SLC12A6: variants seen among roughly 807,000 people sequenced by gnomAD.
SLC12A6 encodes K-Cl cotransporter 3.
Under a neutral mutation model 135.3 loss-of-function variants are expected in SLC12A6, and 66 were observed. The ratio of observed to expected loss-of-function variants is 0.49; its 90% CI spans 0.40 to 0.60. The LOEUF (loss-of-function observed/expected upper bound fraction) is 0.60, where lower values mean the gene tolerates loss of function less well. SLC12A6 is among the 20% of genes least tolerant of loss of function. The pLI, the probability that SLC12A6 is intolerant of heterozygous loss-of-function variation, is 0.00. For missense variants in SLC12A6, 1,058 were observed against 1,452.3 expected, an observed-to-expected ratio of 0.73 and a Z score of 4.41; for synonymous variants, 513 against 508.8, an observed-to-expected ratio of 1.01 and a Z score of -0.11.
intron 2 of SLC12A6, among the ~76,000 whole-genome samples, chr15:34,284,231 G>A (rs1199768114): frequency 6.6e-6 from 1 of 151,288 alleles, no homozygotes; most frequent in Non-Finnish European, 1.5e-5. Context: ...GAGCTCACGG[G>A]CTAGTCTTCA....
At position 34,236,029 on chromosome 15, in the gene SLC12A6, C is replaced by G. The variant is rs764677244; in HGVS notation, c.3213G>C (p.Leu1071=). 2.5e-6 allele frequency: 4 copies of G among 1,613,758 alleles called. No homozygotes were observed. Among genetic ancestry groups the G allele is most frequent in the Non-Finnish European group, 3.4e-6 (4 of 1,179,654 alleles). ...GGAAAACTTACGGACGCATGTTAAG[C>G]AGGTCCTGGAATCCTTCCATTGACT... The part of the protein sequence containing the change: ...KAKSMEGFQD[L]LNMRPDQSNV... Residue 1071 remains leucine, a synonymous_variant, in exon 24 of 26, where the codon CTG becomes CTC. Transcript: ENST00000354181.
intron 3 of SLC12A6, among the ~76,000 whole-genome samples, chr15:34,263,276 G>T (rs990683441): frequency 1.3e-5 from 2 of 151,894 alleles, no homozygotes; most frequent in South Asian, 2.1e-4. Flanking sequence ...AAAATTAGCA[G>T]GGCATGGTGG....
At chr15:34,322,014 G>GT (rs1421448016) in intron 2 of SLC12A6, among the ~76,000 whole-genome samples, 2 of 152,176 alleles carry the variant, frequency 1.3e-5, no homozygotes, top group African/African-American at 4.8e-5. Context: ...TAGAGTGATG[G>GT]TAATATTCTA....
chr15:34,243,958 AAAG>A lies in SLC12A6; in HGVS notation c.2042+13_2042+15del. 3 of 1,436,402 alleles carry A rather than the reference AAAG, an allele frequency of 2.1e-6. No individual in the cohort carries two copies. Among genetic ancestry groups the A allele is most frequent in the Non-Finnish European group, 2.9e-6 (3 of 1,017,670 alleles). 89.0% of individuals were successfully genotyped at this position (1,436,402 alleles called of 1,614,324 possible). On this transcript the variant is annotated intron_variant, in intron 16 of 25. Transcript: ENST00000354181. Reference sequence around the variant, plus strand: ...TCTCCAAACGTGAGTAAAAAGAATAAAAGAAGCAGACTTACCAATGGTAGTAGC... The same window carrying A: ...TCTCCAAACGTGAGTAAAAAGAATAAAAGCAGACTTACCAATGGTAGTAGC...
intron 2 of SLC12A6, among the ~76,000 whole-genome samples, chr15:34,308,946 G>A (rs1246228675): frequency 6.6e-6 from 1 of 152,110 alleles, no homozygotes; most frequent in Non-Finnish European, 1.5e-5. Context: ...TGGCTTTAGA[G>A]CTACACAGCC....
intron 2 of SLC12A6, among the ~76,000 whole-genome samples, chr15:34,313,715 A>G (rs753839550): frequency 1.3e-5 from 2 of 152,192 alleles, no homozygotes; most frequent in Non-Finnish European, 2.9e-5. Context: ...CTCGCTTCAA[A>G]GGACAGGTTG....
At chr15:34,289,942 A>AT (rs1469569710) in intron 2 of SLC12A6, among the ~76,000 whole-genome samples, 5 of 152,090 alleles carry the variant, frequency 3.3e-5, no homozygotes, top group South Asian at 2.1e-4. Context: ...GGATTCATTG[A>AT]TTTTTTTAAG....
At chr15:34,307,466 TTTTC>T (rs1395630842) in intron 2 of SLC12A6, among the ~76,000 whole-genome samples, 3 of 152,206 alleles carry the variant, frequency 2.0e-5, no homozygotes, top group Admixed American at 6.5e-5. Context: ...TACCAATTAT[TTTTC>T]TTTGTTTTTT....
Position 34,250,652 on chromosome 15 carries a change from T to A in SLC12A6, c.1570A>T (p.Ile524Phe). Residue 524 changes from isoleucine (I) to phenylalanine (F), a missense_variant, in exon 12 of 26, where the codon ATC becomes TTC. Physicochemically the swap from Ile to Phe is conservative, Grantham distance 21. This residue lies in a region of SLC12A6 where 297 missense variants were observed against 318.5 expected (regional missense o/e 0.93). Coordinates refer to ENST00000354181, the MANE Select transcript of SLC12A6 (RefSeq NM_001365088.1). The stretch of plus-strand genomic sequence containing the variant: ...ATACAAACAAAGGAGGTGGTCAGGA[T>A]GGCAAGGATAGTACCAATCGGAATA... ...KSIPIGTILA[I>F]LTTSFVYLSN... 1 of 1,593,202 alleles carries A rather than the reference T, an allele frequency of 6.3e-7. No individual in the cohort carries two copies. The highest frequency in any genetic ancestry group is 8.6e-7 in the Non-Finnish European group (1 of 1,161,046).
intron 3 of SLC12A6, among the ~76,000 whole-genome samples, chr15:34,274,645 T>G (rs1321701512): frequency 6.6e-6 from 1 of 152,132 alleles, no homozygotes; most frequent in Non-Finnish European, 1.5e-5. Flanking sequence ...AAACCCTGTC[T>G]GTACTAAAAA....
intron 2 of SLC12A6, among the ~76,000 whole-genome samples, chr15:34,311,376 TTAAA>T (rs1394110422): frequency 1.3e-5 from 2 of 152,280 alleles, no homozygotes; most frequent in Middle Eastern, 3.4e-3. Context: ...AAATAAATAT[TTAAA>T]TAAATGAATG....
At chr15:34,327,187 A>G (rs1889525034) in intron 2 of SLC12A6, among the ~76,000 whole-genome samples, 1 of 152,132 alleles carries the variant, frequency 6.6e-6, no homozygotes. Context: ...TCATTTTTCA[A>G]AAGGGGAAAG....
At chr15:34,236,622 G>A (rs1566799432) in intron 23 of SLC12A6, 86 bp downstream of exon 23, 12 of 886,742 alleles carry the variant, frequency 1.4e-5, no homozygotes, top group East Asian at 2.4e-5. Context: ...GATTACAGGC[G>A]TGAGCCACCA....
intron 2 of SLC12A6, among the ~76,000 whole-genome samples, chr15:34,328,492 T>A (rs752034802): frequency 6.6e-6 from 1 of 152,244 alleles, no homozygotes; most frequent in Non-Finnish European, 1.5e-5. Context: ...GGTACTGAAC[T>A]ACCATTAAGG....
At position 34,307,177 on chromosome 15, in the gene SLC12A6, T is replaced by TA. The variant is rs566163244; in HGVS notation, c.271+29232dup. ...TAACTTTATGTCAACTGCACCTCGA[T>TA]AAAAAAATACCGATGGGGAAAAACA... On this transcript the variant is annotated intron_variant, in intron 2 of 25. Transcript: ENST00000354181. Among the ~76,000 whole-genome samples the TA allele has an allele frequency of 1.6e-3, 239 of 152,226 alleles. 2 individuals carry two copies. The highest frequency in any genetic ancestry group is 5.4e-3 in the African/African-American group (226 of 41,542).
At chr15:34,241,445 G>A in intron 17 of SLC12A6, 108 bp from the exon 18 acceptor site, 1 of 682,804 alleles carries the variant, frequency 1.5e-6, no homozygotes, top group South Asian at 1.6e-5. Flanking sequence ...CAAGGTAGAA[G>A]ATTAAAGCTC....
chr15:34,306,472 C>A (rs1245788379), intron 2 of SLC12A6, among the ~76,000 whole-genome samples: 1 of 152,200 alleles, frequency 6.6e-6, no homozygotes, highest in Non-Finnish European at 1.5e-5. Flanking sequence ...CTGAGATTTT[C>A]CAGGCTCTTG....
chr15:34,279,327 AAAAACAAAAC>A (rs886327028), intron 2 of SLC12A6, among the ~76,000 whole-genome samples: 2 of 152,082 alleles, frequency 1.3e-5, no homozygotes, highest in South Asian at 2.1e-4. Flanking sequence ...AAAACAAACA[AAAAACAAAAC>A]AAAACAAAAC....
In SLC12A6 at chr15:34,258,957, T is replaced by A. The variant is rs779964220; in HGVS notation, c.412-13A>T. 1.2e-6 allele frequency: 2 copies of A among 1,604,176 alleles called. No individual in the cohort carries two copies. Among genetic ancestry groups the A allele is most frequent in the East Asian group, 2.2e-5 (1 of 44,832 alleles). On this transcript the variant is annotated splice_polypyrimidine_tract_variant and intron_variant, in intron 4 of 25. Coordinates refer to ENST00000354181, the MANE Select transcript of SLC12A6 (RefSeq NM_001365088.1). ...TGTCCATTTCTTCCTATAAAGCCAGTGACATGGAAGAAATGAGCTACAAAG... is the reference window on the plus strand; with the variant it reads ...TGTCCATTTCTTCCTATAAAGCCAGAGACATGGAAGAAATGAGCTACAAAG...
Sources: allele counts gnomAD v4.1 joint callset (sites outside exome capture counted in the v4.1 genomes callset), GRCh38; gene constraint gnomAD v4.1.1; regional missense constraint gnomAD v4.1.1; transcripts MANE v1.5; gene names NCBI Gene and HGNC (gene_info 2026-07-23, HGNC 2026-07-21).